The following RUNX1 variants were observed in gnomAD, a reference collection of about 807,000 sequenced individuals.
The protein encoded by RUNX1 is RUNX family transcription factor 1, also known as runt-related transcription factor 1.
Under a neutral mutation model 42.8 loss-of-function variants are expected in RUNX1, and 19 were observed. The observed-to-expected ratio is 0.44, with a 90% CI of 0.31 to 0.65. RUNX1 has a LOEUF of 0.65. Among genes scored for constraint, RUNX1 ranks in the 30% least tolerant of loss-of-function variants. RUNX1 has a pLI of 0.07. For synonymous variants in RUNX1, 271 were observed against 289.4 expected, an observed-to-expected ratio of 0.94 and a Z score of 0.64; for missense variants, 528 against 672.0, an observed-to-expected ratio of 0.79 and a Z score of 2.37.
At chr21:34,798,527 G>A (rs2056562982) in intron 8 of RUNX1, among the ~76,000 whole-genome samples, 1 of 152,052 alleles carries the variant, frequency 6.6e-6, no homozygotes, top group African/African-American at 2.4e-5. Flanking sequence ...TAGTTGGAAT[G>A]TCTAATTTGG....
In RUNX1 at chr21:35,041,925, G is replaced by T. The variant is rs183980246; in HGVS notation, c.58+6917C>A. Among the ~76,000 whole-genome samples the T allele has an allele frequency of 2.3e-3, 350 of 152,214 alleles. 2 individuals carry two copies. The highest frequency in any genetic ancestry group is 8.2e-3 in the African/African-American group (339 of 41,528). On this transcript the variant is annotated intron_variant, in intron 2 of 8. Transcript: ENST00000675419. ...GAAGGTTTCCCTCTTTTGTAGAAAA[G>T]AATTCTCTTAAAAATTAAAACAAAT...
At chr21:35,020,581 G>A (rs1307288057) in intron 2 of RUNX1, among the ~76,000 whole-genome samples, 1 of 152,132 alleles carries the variant, frequency 6.6e-6, no homozygotes, top group African/African-American at 2.4e-5. Context: ...ACAAACATTG[G>A]TCCAGGTACT....
chr21:34,950,745 G>GCA (rs2058600999), intron 2 of RUNX1, among the ~76,000 whole-genome samples: 1 of 152,066 alleles, frequency 6.6e-6, no homozygotes, highest in African/African-American at 2.4e-5. Flanking sequence ...GAAAAAAATT[G>GCA]CACACATAGT....
chr21:35,018,752 C>T (rs1283698470), intron 2 of RUNX1, among the ~76,000 whole-genome samples: 1 of 152,090 alleles, frequency 6.6e-6, no homozygotes, highest in African/African-American at 2.4e-5. Context: ...ACCCTGGGAC[C>T]CTTGATTTGG....
In RUNX1 at chr21:34,788,364, T is replaced by C. The variant is rs1196647342; in HGVS notation, c.*3771A>G. 4.3e-6 allele frequency: 1 copy of C among 233,360 alleles called. No homozygotes were observed. Among genetic ancestry groups the C allele is most frequent in the East Asian group, 6.1e-5 (1 of 16,506 alleles). The allele number at this position is 233,360 out of a possible 1,614,324, so 14.5% of individuals were successfully genotyped here. A position where few individuals can be genotyped will look rare whatever the true frequency, so the allele number is the denominator to read the frequency against. ...CAAATAACCAACAGTTCTTTTTCTT[T>C]TTTTGCACATTCATTTCCCCTAGAA... On this transcript the variant is annotated 3_prime_UTR_variant, in exon 9 of 9. Coordinates refer to ENST00000675419, the MANE Select transcript of RUNX1 (RefSeq NM_001754.5).
intron 6 of RUNX1, among the ~76,000 whole-genome samples, chr21:34,838,546 T>C (rs1331463777): frequency 6.6e-6 from 1 of 152,250 alleles, no homozygotes. Context: ...ATAAGAATTT[T>C]ATATAGTCAA....
intron 3 of RUNX1, chr21:34,887,829 G>C: frequency 1.9e-6 from 2 of 1,065,014 alleles, no homozygotes; most frequent in South Asian, 9.1e-5. Context: ...AGCTTCAGTA[G>C]TTGGAGCAGT....
At chr21:34,793,706 C>CT (rs35219772) in intron 8 of RUNX1, among the ~76,000 whole-genome samples, 119 of 144,716 alleles carry the variant, frequency 8.2e-4, no homozygotes, top group Non-Finnish European at 1.0e-3. Flanking sequence ...AATATTTATT[C>CT]TTTTTTTTTT....
intron 7 of RUNX1, among the ~76,000 whole-genome samples, chr21:34,802,406 TC>T (rs34185485): frequency 6.6e-6 from 1 of 152,250 alleles, no homozygotes; most frequent in Non-Finnish European, 1.5e-5. Context: ...TCAGTGAAGA[TC>T]CCAGGATCTT....
At chr21:34,867,170 G>A (rs1319770282) in intron 5 of RUNX1, among the ~76,000 whole-genome samples, 1 of 151,996 alleles carries the variant, frequency 6.6e-6, no homozygotes, top group Non-Finnish European at 1.5e-5. Flanking sequence ...GCCAAGACGG[G>A]AGGATCACTA....
At position 34,801,698 on chromosome 21, in the gene RUNX1, G is replaced by T. The variant is rs569817369; in HGVS notation, c.806-2236C>A. Reference sequence around the variant, plus strand: ...TGCTTGGGTTCATTGCCAGTGGTGGGCCAGAAGGTGGGGATGGTGAGCCTC... The same window carrying T: ...TGCTTGGGTTCATTGCCAGTGGTGGTCCAGAAGGTGGGGATGGTGAGCCTC... On this transcript the variant is annotated intron_variant, in intron 7 of 8. Transcript: ENST00000675419. 2.0e-5 allele frequency among the ~76,000 whole-genome samples: 3 copies of T among 152,310 alleles called. No individual in the cohort carries two copies. The East Asian group carries it at 5.8e-4, about 29-fold the overall frequency.
intron 2 of RUNX1, among the ~76,000 whole-genome samples, chr21:34,913,430 T>C (rs2058288241): frequency 6.6e-6 from 1 of 152,126 alleles, no homozygotes; most frequent in Non-Finnish European, 1.5e-5. Context: ...GCAGAGATGG[T>C]GTAGAGACAG....
chr21:34,852,903 A>C (rs2146200814), intron 6 of RUNX1, among the ~76,000 whole-genome samples: 1 of 152,354 alleles, frequency 6.6e-6, no homozygotes, highest in Non-Finnish European at 1.5e-5. Context: ...GGTAATTACA[A>C]TCCTGAGATC....
chr21:34,810,568 C>T (rs959040717), intron 7 of RUNX1, among the ~76,000 whole-genome samples: 2 of 152,190 alleles, frequency 1.3e-5, no homozygotes, highest in African/African-American at 4.8e-5. Context: ...CATAGTTCTG[C>T]AGTCTGAGAG....
At chr21:34,938,305 C>CA (rs1319409055) in intron 2 of RUNX1, among the ~76,000 whole-genome samples, 1 of 152,098 alleles carries the variant, frequency 6.6e-6, no homozygotes, top group Non-Finnish European at 1.5e-5. Flanking sequence ...GACTCCTCCT[C>CA]AGAACTTAAT....
chr21:34,867,592 A>G (rs1264801920), intron 5 of RUNX1, among the ~76,000 whole-genome samples: 1 of 152,300 alleles, frequency 6.6e-6, no homozygotes, highest in East Asian at 1.9e-4. Context: ...TTGCAAAAGG[A>G]GTGGAGGGGC....
intron 2 of RUNX1, among the ~76,000 whole-genome samples, chr21:34,897,487 G>C (rs1326708168): frequency 1.3e-5 from 2 of 152,178 alleles, no homozygotes; most frequent in East Asian, 3.8e-4. Flanking sequence ...TGCCTCAGGT[G>C]AAATTGCCTC....
intron 6 of RUNX1, among the ~76,000 whole-genome samples, chr21:34,841,272 A>G (rs1417439417): frequency 6.6e-6 from 1 of 152,048 alleles, no homozygotes; most frequent in African/African-American, 2.4e-5. Flanking sequence ...CAAGTCCCCT[A>G]GGATACCTCC....
Position 34,843,320 on chromosome 21 carries a change from A to G in RUNX1, c.614-8719T>C, listed in dbSNP as rs1162574761. Among the ~76,000 whole-genome samples the G allele has an allele frequency of 1.3e-5, 2 of 152,122 alleles. No individual in the cohort carries two copies. Among genetic ancestry groups the G allele is most frequent in the Non-Finnish European group, 2.9e-5 (2 of 68,008 alleles). On this transcript the variant is annotated intron_variant, in intron 6 of 8. Coordinates refer to ENST00000675419, the MANE Select transcript of RUNX1 (RefSeq NM_001754.5). This position sits in a 1 kb window ranked among gnomAD's most constrained non-coding sequence, Gnocchi z 4.8. The stretch of plus-strand genomic sequence containing the variant: ...TTAAGACATGCACAGACACACATAC[A>G]CATACAGACACAAACCAGGACAGAC...
Sources: gnomAD v4.1 joint callset for allele counts (sites outside exome capture counted in the v4.1 genomes callset) on GRCh38, gnomAD v4.1.1 for gene constraint, Gnocchi (gnomAD v3.1) non-coding constraint, MANE v1.5 for transcripts, NCBI Gene and HGNC (gene_info 2026-07-23, HGNC 2026-07-21) for gene names.